Variants in LRBA observed in about 807,000 individuals in gnomAD.
LRBA encodes lipopolysaccharide-responsive and beige-like anchor protein.
LRBA carries 176 observed loss-of-function variants against 330.0 expected under a neutral mutation model. The ratio of observed to expected loss-of-function variants is 0.53; its 90% CI spans 0.47 to 0.60. The LOEUF (loss-of-function observed/expected upper bound fraction) is 0.60. Among genes scored for constraint, LRBA ranks in the 20% least tolerant of loss-of-function variants. LRBA has a pLI of 0.00. For missense variants in LRBA, 3,259 were observed against 3,444.8 expected (o/e 0.95, Z 1.35); for synonymous variants, 1,230 against 1,193.0 (o/e 1.03, Z -0.64).
intron 46 of LRBA, among the ~76,000 whole-genome samples, chr4:150,418,487 T>C (rs1007743808): frequency 6.6e-6 from 1 of 152,276 alleles, no homozygotes; most frequent in African/African-American, 2.4e-5. Flanking sequence ...ATAATATCTA[T>C]CATGCTGGGA....
intron 40 of LRBA, among the ~76,000 whole-genome samples, chr4:150,575,678 C>T (rs1025264194): frequency 7.9e-5 from 12 of 151,832 alleles, no homozygotes; most frequent in Non-Finnish European, 1.0e-4. Flanking sequence ...GCATAATCTA[C>T]GTCTCTAATT....
At chr4:150,916,907 A>T (rs2149490037) in intron 5 of LRBA, among the ~76,000 whole-genome samples, 169 bp from the exon 6 acceptor site, 1 of 152,284 alleles carries the variant, frequency 6.6e-6, no homozygotes, top group Middle Eastern at 3.4e-3. Context: ...TAATCCCAGC[A>T]CTTTGGGAGG....
intron 49 of LRBA, among the ~76,000 whole-genome samples, chr4:150,324,885 A>T (rs1246892828): frequency 1.3e-5 from 2 of 152,118 alleles, no homozygotes; most frequent in Non-Finnish European, 2.9e-5. Context: ...TTAATCACGC[A>T]CTTCAATTTG....
At chr4:150,420,475 TTATAA>T (rs1250336923) in intron 46 of LRBA, among the ~76,000 whole-genome samples, 1 of 65,652 alleles carries the variant, frequency 1.5e-5, no homozygotes, top group African/African-American at 5.3e-5. Flanking sequence ...ATAATACACA[TTATAA>T]TATATATAAA....
At chr4:150,505,823 T>A (rs1443480948) in intron 40 of LRBA, among the ~76,000 whole-genome samples, 1 of 151,956 alleles carries the variant, frequency 6.6e-6, no homozygotes, top group African/African-American at 2.4e-5. Context: ...ACAAAATTAT[T>A]AGACCACTAG....
chr4:150,930,822 C>A (rs901302722), intron 2 of LRBA, among the ~76,000 whole-genome samples: 1 of 152,196 alleles, frequency 6.6e-6, no homozygotes, highest in Non-Finnish European at 1.5e-5. Context: ...ATCATCACTA[C>A]CAAGCAGTGT....
intron 56 of LRBA, among the ~76,000 whole-genome samples, chr4:150,266,023 C>T (rs751009997): frequency 6.6e-6 from 1 of 151,876 alleles, no homozygotes; most frequent in Non-Finnish European, 1.5e-5. Context: ...ATCCAAGCCA[C>T]AGCTTGCTTT....
At chr4:150,992,148 T>C (rs1298929232) in intron 2 of LRBA, among the ~76,000 whole-genome samples, 3 of 151,928 alleles carry the variant, frequency 2.0e-5, no homozygotes, top group Non-Finnish European at 4.4e-5. Flanking sequence ...AAACCCAGTC[T>C]CTACTAAAAA....
intron 56 of LRBA, among the ~76,000 whole-genome samples, chr4:150,267,706 G>GA (rs1176333576): frequency 6.6e-6 from 1 of 152,024 alleles, no homozygotes; most frequent in Non-Finnish European, 1.5e-5. Context: ...TGATTGATAG[G>GA]AAAAAACCCA....
At chr4:150,532,917 T>A (rs890564701) in intron 40 of LRBA, among the ~76,000 whole-genome samples, 2 of 152,122 alleles carry the variant, frequency 1.3e-5, no homozygotes, top group Admixed American at 6.6e-5. Context: ...AAAAAAACTA[T>A]CCTTTTGGGA....
chr4:150,668,924 G>T (rs371071430), intron 37 of LRBA, among the ~76,000 whole-genome samples: 1 of 152,070 alleles, frequency 6.6e-6, no homozygotes, highest in Non-Finnish European at 1.5e-5. Flanking sequence ...CAAAGGGAGG[G>T]ATAAGGAGAG....
intron 36 of LRBA, among the ~76,000 whole-genome samples, chr4:150,687,117 C>A (rs1035380523): frequency 3.3e-5 from 5 of 151,902 alleles, no homozygotes; most frequent in Non-Finnish European, 7.4e-5. Flanking sequence ...TAAAAGAAAA[C>A]CAAACAAGAA....
intron 48 of LRBA, among the ~76,000 whole-genome samples, chr4:150,340,899 T>C (rs1463319657): frequency 1.3e-5 from 2 of 152,098 alleles, no homozygotes; most frequent in African/African-American, 4.8e-5. Context: ...CAGGGAGGTA[T>C]GCAGGGCCAG....
At chr4:150,626,035 G>T (rs1288860360) in intron 37 of LRBA, among the ~76,000 whole-genome samples, 1 of 151,436 alleles carries the variant, frequency 6.6e-6, no homozygotes, top group Non-Finnish European at 1.5e-5. Context: ...GGATTCTAAT[G>T]TCTAGCCAGG....
chr4:150,831,378 C>T (rs921656652), intron 29 of LRBA, among the ~76,000 whole-genome samples: 2 of 151,980 alleles, frequency 1.3e-5, no homozygotes, highest in African/African-American at 4.8e-5. Flanking sequence ...GAATGAATAT[C>T]GAGTGAATAA....
At chr4:150,598,536 A>G (rs1475473026) in intron 38 of LRBA, among the ~76,000 whole-genome samples, 1 of 152,206 alleles carries the variant, frequency 6.6e-6, no homozygotes, top group Non-Finnish European at 1.5e-5. Context: ...CAAGGCTCAG[A>G]AAGTATCTAG....
chr4:150,592,854 A>C (rs982700980), intron 38 of LRBA, among the ~76,000 whole-genome samples: 5 of 152,116 alleles, frequency 3.3e-5, no homozygotes, highest in African/African-American at 1.2e-4. Flanking sequence ...GCTGATCTCT[A>C]ACTACTGGGC....
intron 37 of LRBA, among the ~76,000 whole-genome samples, chr4:150,641,067 C>T (rs1226693046): frequency 1.3e-5 from 2 of 152,084 alleles, no homozygotes; most frequent in African/African-American, 2.4e-5. Flanking sequence ...CATTCCTGTC[C>T]CCATCTTTTG....
chr4:150,303,248 G>A (rs1047251456), intron 52 of LRBA, among the ~76,000 whole-genome samples: 1 of 152,152 alleles, frequency 6.6e-6, no homozygotes, highest in African/African-American at 2.4e-5. Flanking sequence ...CTGATTTACT[G>A]AAGATTTAAT....
Sources: gnomAD v4.1 joint callset for allele counts (sites outside exome capture counted in the v4.1 genomes callset) on GRCh38, gnomAD v4.1.1 for gene constraint, MANE v1.5 for transcripts, NCBI Gene and HGNC (gene_info 2026-07-23, HGNC 2026-07-21) for gene names.